The following PCDHGA3 variants were observed in gnomAD, a reference collection of about 807,000 sequenced individuals.
PCDHGA3 encodes protocadherin gamma-A3.
Under a neutral mutation model 58.5 loss-of-function variants are expected in PCDHGA3, and 40 were observed. That is an observed-to-expected ratio of 0.68 (90% confidence interval 0.53 to 0.89). The LOEUF (loss-of-function observed/expected upper bound fraction) is 0.89. Among genes scored for constraint, PCDHGA3 ranks in the 40% least tolerant of loss-of-function variants. The probability of loss-of-function intolerance (pLI) is 0.00; values close to 1 mark genes in which losing one functional copy is unlikely to be tolerated. For synonymous variants in PCDHGA3, 530 were observed against 525.7 expected (o/e 1.01, Z -0.11); for missense variants, 1,223 against 1,195.9 (o/e 1.02, Z -0.33).
rs750401937 is a variant in PCDHGA3 at position 141,487,357 on chromosome 5, T to G, written c.2425-7450T>G. 5.0e-6 allele frequency: 8 copies of G among 1,614,212 alleles called. No homozygotes were observed. The highest frequency in any genetic ancestry group is 6.8e-6 in the Non-Finnish European group (8 of 1,180,032). ...CCTGTGGAGTCACATGCTTTCCTGC[T>G]GGCACCTGTGCCTGTCTCACCAGAT... On this transcript the variant is annotated intron_variant, in intron 1 of 3. Transcript: ENST00000253812. This position sits in a 1 kb window ranked among gnomAD's most constrained non-coding sequence, Gnocchi z 5.0.
chr5:141,363,877 G>A (rs1763094721), intron 1 of PCDHGA3, among the ~76,000 whole-genome samples: 1 of 152,112 alleles, frequency 6.6e-6, no homozygotes. Flanking sequence ...GTAAATAAAG[G>A]ACATAGGCTC....
intron 1 of PCDHGA3, among the ~76,000 whole-genome samples, chr5:141,481,620 C>G (rs1449979532): frequency 6.6e-6 from 1 of 152,112 alleles, no homozygotes; most frequent in African/African-American, 2.4e-5. Context: ...GAGTTCAAGA[C>G]CGGCCTGGCC....
In PCDHGA3 at chr5:141,476,622, T is replaced by C. The variant is rs1480639256; in HGVS notation, c.2425-18185T>C. The C allele has an allele frequency of 6.2e-7, 1 of 1,614,238 alleles. No individual in the cohort carries two copies. The highest frequency in any genetic ancestry group is 2.2e-5 in the East Asian group (1 of 44,878). On this transcript the variant is annotated intron_variant, in intron 1 of 3. Transcript: ENST00000253812. This position sits in a 1 kb window ranked among gnomAD's most constrained non-coding sequence, Gnocchi z 7.6. ...GATCCCGATGTGGGAAGCAACTCTT[T>C]ACAAACCTATGAGCTGAGCCGAAAT...
At chr5:141,478,251 T>C in intron 1 of PCDHGA3, 1 of 1,614,072 alleles carries the variant, frequency 6.2e-7, no homozygotes, top group Non-Finnish European at 8.5e-7. Context: ...GTGTTCGGAG[T>C]AATCATATTC....
intron 1 of PCDHGA3, chr5:141,410,390 G>A: frequency 6.2e-7 from 1 of 1,614,012 alleles, no homozygotes; most frequent in South Asian, 1.1e-5. Flanking sequence ...CTTCCATCCT[G>A]GTCTCTGTGT....
chr5:141,387,571 T>C (rs1183327637), intron 1 of PCDHGA3: 2 of 474,240 alleles, frequency 4.2e-6, no homozygotes, highest in African/African-American at 2.0e-5. Flanking sequence ...ACAATTATAA[T>C]TATTGCACTG....
chr5:141,501,442 T>C (rs1202229661), intron 2 of PCDHGA3, among the ~76,000 whole-genome samples: 1 of 152,016 alleles, frequency 6.6e-6, no homozygotes, highest in African/African-American at 2.4e-5. Context: ...ATTTCTTCCA[T>C]TTTTACTTTT....
intron 1 of PCDHGA3, among the ~76,000 whole-genome samples, chr5:141,459,494 G>C (rs1454297107): frequency 2.0e-5 from 3 of 152,200 alleles, no homozygotes; most frequent in African/African-American, 7.2e-5. Context: ...CTGAATTAAA[G>C]TGATGTGAAC....
At position 141,404,057 on chromosome 5, in the gene PCDHGA3, T is replaced by G. The variant is rs558471539; in HGVS notation, c.2424+57600T>G. ...ACCTCAGGGAACAGTAATTCTTCTT[T>G]TCAATGCTCATGACCGAGACTCCGG... On this transcript the variant is annotated intron_variant, in intron 1 of 3. Coordinates refer to ENST00000253812, the MANE Select transcript of PCDHGA3 (RefSeq NM_018916.4). 9.5e-5 allele frequency: 154 copies of G among 1,613,894 alleles called. No individual in the cohort carries two copies. The East Asian group carries it at 3.4e-3, about 36-fold the overall frequency.
At chr5:141,393,617 C>A (rs746699091) in intron 1 of PCDHGA3, 4 of 1,613,770 alleles carry the variant, frequency 2.5e-6, no homozygotes, top group African/African-American at 2.7e-5. Context: ...CAGCCAGCGA[C>A]CCGGATGAGG....
At chr5:141,383,656 G>A in intron 1 of PCDHGA3, 1 of 1,614,008 alleles carries the variant, frequency 6.2e-7, no homozygotes, top group South Asian at 1.1e-5. Context: ...AACTGTCCCC[G>A]AGAATGTGCC....
intron 1 of PCDHGA3, among the ~76,000 whole-genome samples, chr5:141,450,816 T>C (rs960010807): frequency 7.9e-6 from 1 of 126,568 alleles, no homozygotes; most frequent in Non-Finnish European, 1.6e-5. Context: ...ATTTATTTAA[T>C]ATTATTATTA....
At position 141,431,215 on chromosome 5, in the gene PCDHGA3, C is replaced by G. The variant is rs1225114172; in HGVS notation, c.2425-63592C>G. 1 of 1,614,184 alleles carries G rather than the reference C, an allele frequency of 6.2e-7. No individual in the cohort carries two copies. Among genetic ancestry groups the G allele is most frequent in the Admixed American group, 1.7e-5 (1 of 60,032 alleles). On this transcript the variant is annotated intron_variant, in intron 1 of 3. Coordinates refer to ENST00000253812, the MANE Select transcript of PCDHGA3 (RefSeq NM_018916.4). This position sits in a 1 kb window ranked among gnomAD's most constrained non-coding sequence, Gnocchi z 4.8. ...AAAATGCAGCCACTGAGATGCGGTTCCCTCTACCCCACGCCTGGGATCCGG... is the reference window on the plus strand; with the variant it reads ...AAAATGCAGCCACTGAGATGCGGTTGCCTCTACCCCACGCCTGGGATCCGG...
chr5:141,419,878 G>T (rs1342215231), intron 1 of PCDHGA3: 1 of 1,613,942 alleles, frequency 6.2e-7, no homozygotes, highest in African/African-American at 1.3e-5. Context: ...AGGTACTGCC[G>T]GATTTCAGCG....
chr5:141,421,650 A>G, intron 1 of PCDHGA3: 1 of 1,613,868 alleles, frequency 6.2e-7, no homozygotes, highest in South Asian at 1.1e-5. Flanking sequence ...AAGTGGAGAT[A>G]AAAGTCAGTG....
intron 1 of PCDHGA3, chr5:141,365,993 C>T (rs1267153888): frequency 6.2e-7 from 1 of 1,614,110 alleles, no homozygotes; most frequent in Non-Finnish European, 8.5e-7. Context: ...TGTGCTGGAC[C>T]AGAACGACAA....
chr5:141,499,888 A>G (rs574246186), intron 2 of PCDHGA3, among the ~76,000 whole-genome samples: 105 of 152,174 alleles, frequency 6.9e-4, no homozygotes, highest in African/African-American at 2.4e-3. Flanking sequence ...GGGTTTCGCC[A>G]TGTTGGCCAG....
chr5:141,413,366 C>T (rs1452603006), intron 1 of PCDHGA3: 2 of 1,613,958 alleles, frequency 1.2e-6, no homozygotes, highest in Middle Eastern at 1.7e-4. Flanking sequence ...CGGGAGCTGG[C>T]GGAGCGCGGA....
intron 1 of PCDHGA3, among the ~76,000 whole-genome samples, chr5:141,434,742 G>A (rs1177333213): frequency 6.6e-6 from 1 of 151,500 alleles, no homozygotes; most frequent in Non-Finnish European, 1.5e-5. Context: ...TGAAGGCTAT[G>A]AGACCCCTGA....
Sources: gnomAD v4.1 joint callset for allele counts (sites outside exome capture counted in the v4.1 genomes callset) on GRCh38, gnomAD v4.1.1 for gene constraint, Gnocchi (gnomAD v3.1) non-coding constraint, MANE v1.5 for transcripts, NCBI Gene and HGNC (gene_info 2026-07-23, HGNC 2026-07-21) for gene names.